The following SEC63 variants were observed in gnomAD, a reference collection of about 807,000 sequenced individuals.
The protein encoded by SEC63 is translocation protein SEC63 homolog.
In SEC63, 56 loss-of-function variants were observed where a neutral mutation model predicts 116.2. The observed-to-expected ratio is 0.48, with a 90% CI of 0.39 to 0.60. The LOEUF (loss-of-function observed/expected upper bound fraction) is 0.60. Ranked by LOEUF, SEC63 falls within the 20% of genes least tolerant of loss-of-function variation. The pLI is 0.00. For synonymous variants in SEC63, 273 were observed against 294.6 expected (o/e 0.93, Z 0.75); for missense variants, 668 against 900.0 (o/e 0.74, Z 3.30).
chr6:107,890,486 G>A (rs1786655207), intron 16 of SEC63, among the ~76,000 whole-genome samples: 1 of 152,158 alleles, frequency 6.6e-6, no homozygotes, highest in African/African-American at 2.4e-5. Context: ...TGGGTCTCCT[G>A]AATACAGTAT....
chr6:107,890,456 GT>G (rs1442525663), intron 16 of SEC63, among the ~76,000 whole-genome samples: 1 of 152,116 alleles, frequency 6.6e-6, no homozygotes, highest in African/African-American at 2.4e-5. Flanking sequence ...TTAAACCTAT[GT>G]GTGTCTTTTC....
rs201530309 is a variant in SEC63 at position 107,881,256 on chromosome 6, A to G, written c.1834-6T>C. ...TGTTGTAATTCTTGCCACTCCTAGT[A>G]AACAAAAAAATTAAAATATTTAAAA... On this transcript the variant is annotated splice_region_variant and splice_polypyrimidine_tract_variant and intron_variant, in intron 17 of 20. Transcript: ENST00000369002. 1.6e-5 allele frequency: 25 copies of G among 1,582,720 alleles called. No individual in the cohort carries two copies. The Middle Eastern group carries it at 7.2e-4, about 45-fold the overall frequency.
Position 107,909,040 on chromosome 6 carries a change from A to C in SEC63, c.625-5T>G. The C allele has an allele frequency of 2.5e-6, 4 of 1,591,072 alleles. No individual in the cohort carries two copies. Among genetic ancestry groups the C allele is most frequent in the Non-Finnish European group, 3.4e-6 (4 of 1,159,438 alleles). On this transcript the variant is annotated splice_region_variant and splice_polypyrimidine_tract_variant and intron_variant, in intron 7 of 20. Transcript: ENST00000369002. ...TGAGCGATACCACCAAGAGCCCTAA[A>C]ACACAAAAAAAATTAAACAAGAAAG...
chr6:107,893,435 T>C, intron 16 of SEC63, 47 bp downstream of exon 16: 1 of 1,557,970 alleles, frequency 6.4e-7, no homozygotes, highest in Non-Finnish European at 8.8e-7. Context: ...CATTTTAGTT[T>C]GTATATTTTA....
intron 13 of SEC63, among the ~76,000 whole-genome samples, chr6:107,899,149 TAC>T (rs1786937159): frequency 6.6e-6 from 1 of 152,220 alleles, no homozygotes; most frequent in African/African-American, 2.4e-5. Flanking sequence ...GAGATTCTAT[TAC>T]AGATTCTAGC....
rs542865395 is a variant in SEC63 at position 107,945,263 on chromosome 6, G to C, written c.124+12623C>G. ...GAATCTACACGAGAAAACTCCTACTGACATAAACAGAATTCCAAAATGTAA... is the reference window on the plus strand; with the variant it reads ...GAATCTACACGAGAAAACTCCTACTCACATAAACAGAATTCCAAAATGTAA... On this transcript the variant is annotated intron_variant, in intron 1 of 20. Coordinates refer to ENST00000369002, the MANE Select transcript of SEC63 (RefSeq NM_007214.5). 9.9e-4 allele frequency among the ~76,000 whole-genome samples: 150 copies of C among 150,994 alleles called. 2 individuals are homozygous for C. The highest frequency in any genetic ancestry group is 3.5e-3 in the African/African-American group (145 of 41,190).
chr6:107,926,860 C>T (rs1451050571), intron 2 of SEC63, among the ~76,000 whole-genome samples: 1 of 152,160 alleles, frequency 6.6e-6, no homozygotes, highest in Non-Finnish European at 1.5e-5. Flanking sequence ...AAAGGAGAAG[C>T]TCATAACAGA....
chr6:107,943,978 A>T (rs1413025560), intron 1 of SEC63, among the ~76,000 whole-genome samples: 1 of 152,244 alleles, frequency 6.6e-6, no homozygotes, highest in African/African-American at 2.4e-5. Context: ...GCCAGGGTAG[A>T]AACAGACTAG....
At chr6:107,894,238 C>T (rs1786762113) in intron 14 of SEC63, among the ~76,000 whole-genome samples, 2 of 152,168 alleles carry the variant, frequency 1.3e-5, no homozygotes, top group African/African-American at 4.8e-5. Context: ...AGAATATATA[C>T]TATTTTCTGC....
At chr6:107,957,286 G>A (rs1770729478) in intron 1 of SEC63, 2 of 152,132 alleles carry the variant, frequency 1.3e-5, no homozygotes, top group Non-Finnish European at 2.9e-5. Context: ...GCCTATTTTT[G>A]CTAAGAGGAA....
intron 1 of SEC63, among the ~76,000 whole-genome samples, chr6:107,951,293 C>T (rs997671211): frequency 1.4e-4 from 21 of 152,312 alleles, no homozygotes; most frequent in African/African-American, 5.1e-4. Context: ...ATGGTAAATA[C>T]TCTGGAAGCC....
chr6:107,954,841 T>A (rs150288232), intron 1 of SEC63: 1 of 152,260 alleles, frequency 6.6e-6, no homozygotes, highest in Non-Finnish European at 1.5e-5. Flanking sequence ...ACTCAAGTTA[T>A]TAGGGTAAAT....
At chr6:107,946,081 C>T (rs571333333) in intron 1 of SEC63, among the ~76,000 whole-genome samples, 3 of 150,612 alleles carry the variant, frequency 2.0e-5, no homozygotes, top group Non-Finnish European at 4.4e-5. Context: ...GGACTACAAG[C>T]GTGTACCACC....
intron 14 of SEC63, 51 bp downstream of exon 14, chr6:107,897,583 GGGAAATAAATATAAA>G (rs1218526973): frequency 3.6e-6 from 4 of 1,122,338 alleles, no homozygotes; most frequent in African/African-American, 1.5e-5. Flanking sequence ...TTGACAATGA[GGGAAATAAATATAAA>G]AGCCTTGACA....
intron 1 of SEC63, among the ~76,000 whole-genome samples, chr6:107,938,050 A>G (rs1485918956): frequency 6.6e-6 from 1 of 152,128 alleles, no homozygotes; most frequent in Non-Finnish European, 1.5e-5. Context: ...CCATTTGTCA[A>G]TTCTTGCTTT....
At chr6:107,918,214 G>A (rs1428084623) in intron 4 of SEC63, among the ~76,000 whole-genome samples, 1 of 148,024 alleles carries the variant, frequency 6.8e-6, no homozygotes, top group Non-Finnish European at 1.5e-5. Flanking sequence ...ATGGATTACT[G>A]AATATTTTAG....
chr6:107,881,274 A>G, intron 17 of SEC63, 24 bp from the exon 18 acceptor site: 1 of 1,467,626 alleles, frequency 6.8e-7, no homozygotes, highest in South Asian at 1.1e-5. Context: ...AAATTAAAAT[A>G]TTTAAAATCT....
At chr6:107,905,752 A>C (rs537109619) in intron 10 of SEC63, among the ~76,000 whole-genome samples, 1 of 152,226 alleles carries the variant, frequency 6.6e-6, no homozygotes, top group African/African-American at 2.4e-5. Flanking sequence ...AGTCCTTTAA[A>C]AAAATTATTA....
intron 20 of SEC63, among the ~76,000 whole-genome samples, 157 bp downstream of exon 20, chr6:107,872,651 T>C (rs1786161963): frequency 6.6e-6 from 1 of 152,198 alleles, no homozygotes; most frequent in Admixed American, 6.5e-5. Flanking sequence ...CTTAAGTTTA[T>C]TATTGAAAGA....
Sources: allele counts gnomAD v4.1 joint callset (sites outside exome capture counted in the v4.1 genomes callset), GRCh38; gene constraint gnomAD v4.1.1; transcripts MANE v1.5; gene names NCBI Gene and HGNC (gene_info 2026-07-23, HGNC 2026-07-21).